The following ZNF738 variants were observed in gnomAD, a reference collection of about 807,000 sequenced individuals.
ZNF738 encodes zinc finger protein 738, also known as protein ZNF738.
A neutral mutation model predicts 9.2 loss-of-function variants in ZNF738; 10 were observed. The ratio of observed to expected loss-of-function variants is 1.09; its 90% CI spans 0.67 to 1.85. The LOEUF is 1.85. Ranked by LOEUF, ZNF738 falls within the 40% of genes most tolerant of loss-of-function variation. ZNF738 has a pLI of 0.00. For missense variants in ZNF738, 346 were observed against 283.6 expected (o/e 1.22, Z -1.58); for synonymous variants, 113 against 94.5 (o/e 1.20, Z -1.14).
chr19:21,373,121 A>G (rs1973878142), intron 2 of ZNF738, among the ~76,000 whole-genome samples: 1 of 152,164 alleles, frequency 6.6e-6, no homozygotes, highest in Admixed American at 6.6e-5. Flanking sequence ...AACCTACAGA[A>G]TCACATTACA....
intron 4 of ZNF738, among the ~76,000 whole-genome samples, chr19:21,382,157 C>T (rs1289174229): frequency 6.7e-6 from 1 of 148,562 alleles, no homozygotes; most frequent in East Asian, 2.0e-4. Flanking sequence ...CCTCTGCCTC[C>T]TGGGTTCAAG....
At chr19:21,369,325 G>A (rs1040246769) in intron 2 of ZNF738, among the ~76,000 whole-genome samples, 3 of 152,008 alleles carry the variant, frequency 2.0e-5, no homozygotes, top group Non-Finnish European at 4.4e-5. Context: ...TGCCCAGGCT[G>A]GTCTTTAACT....
intron 2 of ZNF738, among the ~76,000 whole-genome samples, chr19:21,368,037 A>G (rs1973808550): frequency 6.6e-6 from 1 of 152,242 alleles, no homozygotes; most frequent in Non-Finnish European, 1.5e-5. Flanking sequence ...TGGGACCACT[A>G]TCTGCAGAAC....
At chr19:21,371,979 T>C (rs1450135494) in intron 2 of ZNF738, 1 of 152,706 alleles carries the variant, frequency 6.5e-6, no homozygotes, top group Non-Finnish European at 1.5e-5. Flanking sequence ...GTTTCGCTCT[T>C]GTTGCCCAGG....
At chr19:21,375,717 A>T (rs1973918643) in intron 3 of ZNF738, among the ~76,000 whole-genome samples, 152 bp from the exon 4 acceptor site, 1 of 152,068 alleles carries the variant, frequency 6.6e-6, no homozygotes, top group African/African-American at 2.4e-5. Flanking sequence ...AATTTAAAAT[A>T]TTTTCTAAAT....
At chr19:21,380,837 A>G (rs1393070902) in intron 4 of ZNF738, among the ~76,000 whole-genome samples, 1 of 152,138 alleles carries the variant, frequency 6.6e-6, no homozygotes. Flanking sequence ...AGATTTTAGG[A>G]GTCACCGATC....
At chr19:21,368,263 T>C (rs143957070) in intron 2 of ZNF738, among the ~76,000 whole-genome samples, 2,003 of 151,962 alleles carry the variant, frequency 0.013, 52 homozygotes, top group African/African-American at 0.043. Flanking sequence ...CATCCTCAAC[T>C]AGGCCTCCAT....
Position 21,385,741 on chromosome 19 carries a change from G to A in ZNF738, c.*2067G>A, listed in dbSNP as rs550856329. On this transcript the variant is annotated 3_prime_UTR_variant, in exon 5 of 5. Transcript: ENST00000683779. The stretch of plus-strand genomic sequence containing the variant: ...GTACTCAACCCTTACTACACATAAG[G>A]TAATTCATGCTGGAGAGATACCCTA... Among the ~76,000 whole-genome samples the A allele has an allele frequency of 6.6e-6, 1 of 151,844 alleles. No homozygotes were observed. The highest frequency in any genetic ancestry group is 1.5e-5 in the Non-Finnish European group (1 of 67,908).
intron 2 of ZNF738, among the ~76,000 whole-genome samples, chr19:21,368,122 A>G (rs775017322): frequency 6.6e-6 from 1 of 152,192 alleles, no homozygotes; most frequent in Non-Finnish European, 1.5e-5. Flanking sequence ...TGGTTCAGGC[A>G]TACACGTGCA....
At chr19:21,374,211 A>G (rs1344751705) in intron 2 of ZNF738, among the ~76,000 whole-genome samples, 2 of 152,238 alleles carry the variant, frequency 1.3e-5, no homozygotes, top group African/African-American at 4.8e-5. Context: ...GAAAATGCTT[A>G]TTTAAACTGG....
At chr19:21,370,731 T>C (rs189922219) in intron 2 of ZNF738, among the ~76,000 whole-genome samples, 26 of 152,326 alleles carry the variant, frequency 1.7e-4, no homozygotes, top group Middle Eastern at 6.8e-3. Context: ...TAGAATGTGC[T>C]AGAGCAGCCT....
At chr19:21,366,685 GT>G (rs1973784643) in intron 2 of ZNF738, among the ~76,000 whole-genome samples, 1 of 152,138 alleles carries the variant, frequency 6.6e-6, no homozygotes, top group Non-Finnish European at 1.5e-5. Flanking sequence ...ACATTTTTAT[GT>G]TTACTTTTTA....
chr19:21,359,886 A>G (rs1356934342), intron 1 of ZNF738, among the ~76,000 whole-genome samples: 3 of 152,176 alleles, frequency 2.0e-5, no homozygotes, highest in African/African-American at 7.2e-5. Flanking sequence ...TCAAAAAAAA[A>G]ATTAACTTAT....
At chr19:21,366,107 CT>C (rs35042143) in intron 2 of ZNF738, among the ~76,000 whole-genome samples, 2,029 of 152,272 alleles carry the variant, frequency 0.013, 55 homozygotes, top group African/African-American at 0.043. Flanking sequence ...CAAGTTTCCC[CT>C]TTTGGAGGGG....
Position 21,384,159 on chromosome 19 carries a change from C to G in ZNF738, c.*485C>G, listed in dbSNP as rs867880926. The G allele has an allele frequency of 2.7e-6, 4 of 1,456,734 alleles. No homozygotes were observed. The highest frequency in any genetic ancestry group is 3.8e-6 in the Non-Finnish European group (4 of 1,042,752). The allele number at this position is 1,456,734 out of a possible 1,614,324, so 90.2% of individuals were successfully genotyped here. A position where few individuals can be genotyped will look rare whatever the true frequency, so the allele number is the denominator to read the frequency against. On this transcript the variant is annotated 3_prime_UTR_variant, in exon 5 of 5. Coordinates refer to ENST00000683779, the MANE Select transcript of ZNF738 (RefSeq NM_001355237.2). Reference sequence around the variant, plus strand: ...TAAGATGATTCATACTGTAGAGAAACGCTACAAATGTGAGGAATGTGGCAA... The same window carrying G: ...TAAGATGATTCATACTGTAGAGAAAGGCTACAAATGTGAGGAATGTGGCAA...
Position 21,364,939 on chromosome 19 carries a change from T to G in ZNF738, c.96+3081T>G, listed in dbSNP as rs868654780. Among the ~76,000 whole-genome samples, 98 of 113,314 alleles carry G rather than the reference T, an allele frequency of 8.6e-4. 1 individual carries two copies. In the South Asian group the frequency reaches 0.022, roughly 25 times the overall value. The allele number at this position is 113,314 out of a possible 152,430, so 74.3% of individuals were successfully genotyped here. On this transcript the variant is annotated intron_variant, in intron 2 of 4. Coordinates refer to ENST00000683779, the MANE Select transcript of ZNF738 (RefSeq NM_001355237.2). ...TTTTTTTTTTTTTTTTTTTTTTTTT[T>G]AGTAGAGACAGGGTTTCACCGTGAT...
At chr19:21,369,913 A>T (rs1973835695) in intron 2 of ZNF738, among the ~76,000 whole-genome samples, 2 of 151,646 alleles carry the variant, frequency 1.3e-5, no homozygotes, top group African/African-American at 4.8e-5. Flanking sequence ...TCCTGGATTC[A>T]AGTGATTCTC....
At chr19:21,377,534 A>ACACAC in intron 4 of ZNF738, 5 of 557,452 alleles carry the variant, frequency 9.0e-6, no homozygotes, top group South Asian at 2.3e-5. Context: ...ACACACACAC[A>ACACAC]AAATTTGTCA....
At chr19:21,371,460 T>C (rs1599714964) in intron 2 of ZNF738, among the ~76,000 whole-genome samples, 1 of 152,236 alleles carries the variant, frequency 6.6e-6, no homozygotes, top group Admixed American at 6.5e-5. Flanking sequence ...GAGATAACTT[T>C]GGTTGTTACC....
Sources: gnomAD v4.1 joint callset for allele counts (sites outside exome capture counted in the v4.1 genomes callset) on GRCh38, gnomAD v4.1.1 for gene constraint, MANE v1.5 for transcripts, NCBI Gene and HGNC (gene_info 2026-07-23, HGNC 2026-07-21) for gene names.